The following OXNAD1 variants were observed in gnomAD, a reference collection of about 807,000 sequenced individuals.
The protein encoded by OXNAD1 is oxidoreductase NAD-binding domain-containing protein 1.
In OXNAD1, 34 loss-of-function variants were observed where a neutral mutation model predicts 32.9. The ratio of observed to expected loss-of-function variants is 1.03; its 90% CI spans 0.79 to 1.38. The LOEUF is 1.38. OXNAD1 is among the 40% of genes most tolerant of loss of function. The pLI, the probability that OXNAD1 is intolerant of heterozygous loss-of-function variation, is 0.00. For missense variants in OXNAD1, 407 were observed against 379.4 expected (o/e 1.07, Z -0.60); for synonymous variants, 134 against 135.2 (o/e 0.99, Z 0.06).
rs1038612298 is a variant in OXNAD1 at position 16,336,241 on chromosome 3, A to C, written c.*31-871A>C. 6.6e-6 allele frequency among the ~76,000 whole-genome samples: 1 copy of C among 152,222 alleles called. No homozygotes were observed. Among genetic ancestry groups the C allele is most frequent in the Non-Finnish European group, 1.5e-5 (1 of 68,030 alleles). On this transcript the variant is annotated intron_variant, in intron 9 of 9. Coordinates refer to the OXNAD1 transcript ENST00000435829. This position sits in a 1 kb window ranked among gnomAD's most constrained non-coding sequence, Gnocchi z 6.0. ...AGGGCTATGCCTGGTATCACTGTTC[A>C]TTCATGAATCTCACATTCAGTCAGC...
Position 16,337,293 on chromosome 3 carries a change from A to C in OXNAD1, c.*212A>C, listed in dbSNP as rs757379375. ...TTTCCTAAAAGTTGAAGGAAAAATC[A>C]CCCAGCTGACCTGTTTGGGTTATGA... On this transcript the variant is annotated 3_prime_UTR_variant, in exon 10 of 10. Transcript: ENST00000435829. The surrounding 1 kb of genome is among the most constrained non-coding windows in gnomAD (Gnocchi z 5.0). 1 of 152,214 alleles carries C rather than the reference A, an allele frequency of 6.6e-6. No individual in the cohort carries two copies. 9.4% of individuals were successfully genotyped at this position (152,214 alleles called of 1,614,324 possible).
chr3:16,274,114 C>T (rs1051264375), intron 4 of OXNAD1, among the ~76,000 whole-genome samples: 7 of 150,930 alleles, frequency 4.6e-5, no homozygotes, highest in Non-Finnish European at 5.9e-5. Context: ...CGCTCACACT[C>T]CCTTTTGTTG....
intron 1 of OXNAD1, among the ~76,000 whole-genome samples, chr3:16,266,466 G>A (rs934101129): frequency 6.6e-6 from 1 of 152,012 alleles, no homozygotes; most frequent in African/African-American, 2.4e-5. Flanking sequence ...TTAGCCAGGT[G>A]TGGTGGTGTG....
At chr3:16,275,243 T>C (rs1008316915) in intron 4 of OXNAD1, 2 of 157,518 alleles carry the variant, frequency 1.3e-5, no homozygotes, top group Non-Finnish European at 2.9e-5. Context: ...CTGCCAAAAA[T>C]GTTCTTTAGT....
At chr3:16,337,493 C>G (rs1038700573), downstream of OXNAD1, 2 of 152,110 alleles carry the variant, frequency 1.3e-5, no homozygotes, top group African/African-American at 4.8e-5. This position sits in a 1 kb window ranked among gnomAD's most constrained non-coding sequence, Gnocchi z 5.0. Flanking sequence ...CCTGTAATCT[C>G]TGCACTTTGG....
Position 16,287,204 on chromosome 3 carries a change from A to G in OXNAD1, c.290+756A>G, listed in dbSNP as rs749747326. Among the ~76,000 whole-genome samples, 6 of 152,216 alleles carry G rather than the reference A, an allele frequency of 3.9e-5. No individual in the cohort carries two copies. The highest frequency in any genetic ancestry group is 5.9e-5 in the Non-Finnish European group (4 of 68,040). On this transcript the variant is annotated intron_variant, in intron 5 of 8. Coordinates refer to ENST00000285083, the MANE Select transcript of OXNAD1 (RefSeq NM_138381.5). The surrounding 1 kb of genome is among the most constrained non-coding windows in gnomAD (Gnocchi z 4.8). ...GGGTGTGTGTGTCCTTTATTTTAAT[A>G]AAGCATTCATTTCTAAATGGATTTC...
rs1198063165 is a variant in OXNAD1, at chr3:16,301,793, CAA to C, written c.603_604del (p.Arg202LysfsTer4). On this transcript the variant is annotated frameshift_variant, in exon 7 of 9. Transcript: ENST00000285083. LOFTEE classifies it high-confidence loss of function. The surrounding 1 kb of genome is among the most constrained non-coding windows in gnomAD (Gnocchi z 4.1). ...CAGATCTCCTCAGAGAGCAGGCAAA[CAA>C]AAGAAATGGATATGAGATAGGAACA... ...AADLLREQAN[K>X]RNGYEIGTIK... The C allele has an allele frequency of 3.1e-6, 5 of 1,613,880 alleles. No homozygotes were observed. Among genetic ancestry groups the C allele is most frequent in the Non-Finnish European group, 4.2e-6 (5 of 1,179,968 alleles).
At position 16,302,689 on chromosome 3, in the gene OXNAD1, G is replaced by A. The variant is rs772740883; in HGVS notation, c.725G>A (p.Ser242Asn). ...GAATTTCCTGAGAAGATTGCATGCA[G>A]TTTGCATGTTACAAAACAGACTACA... Reference protein sequence around the residue: ...VNEFPEKIACSLHVTKQTTQI... With the variant: ...VNEFPEKIACNLHVTKQTTQI... The change falls in exon 8 of 9, where the codon AGT becomes AAT. Residue 242 changes from serine to asparagine, a missense_variant. Ser to Asn is a conservative substitution (Grantham distance 46). Transcript: ENST00000285083. This position sits in a 1 kb window ranked among gnomAD's most constrained non-coding sequence, Gnocchi z 4.2. 4 of 1,613,618 alleles carry A rather than the reference G, an allele frequency of 2.5e-6. No individual in the cohort carries two copies. The highest frequency in any genetic ancestry group is 2.2e-5 in the East Asian group (1 of 44,790).
At position 16,312,648 on chromosome 3, in the gene OXNAD1, A is replaced by G. The variant is rs1275865290; in HGVS notation, c.*30+9056A>G. 2.0e-5 allele frequency among the ~76,000 whole-genome samples: 3 copies of G among 152,188 alleles called. No homozygotes were observed. The highest frequency in any genetic ancestry group is 7.2e-5 in the African/African-American group (3 of 41,452). On this transcript the variant is annotated intron_variant, in intron 9 of 9. Coordinates refer to the OXNAD1 transcript ENST00000435829. The surrounding 1 kb of genome is among the most constrained non-coding windows in gnomAD (Gnocchi z 4.7). ...CGAGTCGTGAGTTTGGGGTCAACCT[A>G]TTCCTACTAATAAGCACTGTCTACA... is the stretch of plus-strand genomic sequence containing the variant.
At position 16,320,356 on chromosome 3, in the gene OXNAD1, C is replaced by T. The variant is rs75169646; in HGVS notation, c.*31-16756C>T. Among the ~76,000 whole-genome samples, 7 of 152,334 alleles carry T rather than the reference C, an allele frequency of 4.6e-5. No homozygotes were observed. In the East Asian group the frequency reaches 9.6e-4, roughly 21 times the overall value. Reference sequence around the variant, plus strand: ...AAGAAGACTAAATATGCCACATCCTCGGTGTGCCAATCTTGCAGTTTCTTT... The same window carrying T: ...AAGAAGACTAAATATGCCACATCCTTGGTGTGCCAATCTTGCAGTTTCTTT... On this transcript the variant is annotated intron_variant, in intron 9 of 9. Coordinates refer to the OXNAD1 transcript ENST00000435829. The surrounding 1 kb of genome is among the most constrained non-coding windows in gnomAD (Gnocchi z 4.5).
chr3:16,290,776 T>C lies in OXNAD1; in HGVS notation c.291-4080T>C, dbSNP rs151278888. On this transcript the variant is annotated intron_variant, in intron 5 of 8. Transcript: ENST00000285083. This position sits in a 1 kb window ranked among gnomAD's most constrained non-coding sequence, Gnocchi z 4.2. The stretch of plus-strand genomic sequence containing the variant: ...TCCAGAACTGGTTTTTAAACACTTA[T>C]AATAAATGACTGGAAATGTAAGGCC... Among the ~76,000 whole-genome samples, 4,718 of 152,336 alleles carry C rather than the reference T, an allele frequency of 0.031. 105 individuals are homozygous for C. Among genetic ancestry groups the C allele is most frequent in the Middle Eastern group, 0.082 (24 of 294 alleles).
chr3:16,295,237 T>G (rs2066701945), intron 6 of OXNAD1, among the ~76,000 whole-genome samples: 1 of 152,220 alleles, frequency 6.6e-6, no homozygotes, highest in African/African-American at 2.4e-5. Flanking sequence ...TGCTTTAGAA[T>G]TAAAATATTT....
chr3:16,286,471 A>G, intron 5 of OXNAD1, 23 bp downstream of exon 5: 2 of 1,578,412 alleles, frequency 1.3e-6, no homozygotes, highest in Non-Finnish European at 1.7e-6. Flanking sequence ...TCTGTGTTCC[A>G]TGTATGTATG....
At chr3:16,331,269 C>T (rs1448259365) in intron 9 of OXNAD1, among the ~76,000 whole-genome samples, 2 of 152,212 alleles carry the variant, frequency 1.3e-5, no homozygotes, top group Non-Finnish European at 2.9e-5. Flanking sequence ...GCAGGGTGTG[C>T]TTATACTACT....
intron 9 of OXNAD1, among the ~76,000 whole-genome samples, chr3:16,330,864 T>C (rs898093029): frequency 6.6e-6 from 1 of 152,242 alleles, no homozygotes; most frequent in Non-Finnish European, 1.5e-5. Context: ...TTAAAAGATC[T>C]TCTATGCAGA....
chr3:16,287,637 C>T lies in OXNAD1; in HGVS notation c.290+1189C>T, dbSNP rs528916575. 3.3e-5 allele frequency among the ~76,000 whole-genome samples: 5 copies of T among 152,278 alleles called. No homozygotes were observed. The East Asian group carries it at 7.7e-4, about 23-fold the overall frequency. On this transcript the variant is annotated intron_variant, in intron 5 of 8. Coordinates refer to ENST00000285083, the MANE Select transcript of OXNAD1 (RefSeq NM_138381.5). This position sits in a 1 kb window ranked among gnomAD's most constrained non-coding sequence, Gnocchi z 4.8. ...TGTGTCCTGTGCAAAGCACTGTCTCCGTGCCTTCAACTCTGAATCCTGCCA... is the reference window on the plus strand; with the variant it reads ...TGTGTCCTGTGCAAAGCACTGTCTCTGTGCCTTCAACTCTGAATCCTGCCA...
At chr3:16,324,861 T>C (rs576950703) in intron 9 of OXNAD1, among the ~76,000 whole-genome samples, 1 of 152,272 alleles carries the variant, frequency 6.6e-6, no homozygotes, top group South Asian at 2.1e-4. Context: ...TGCTGGATCA[T>C]GTGCTAAGTC....
chr3:16,283,658 G>A (rs1171716792), intron 4 of OXNAD1, among the ~76,000 whole-genome samples: 2 of 152,162 alleles, frequency 1.3e-5, no homozygotes, highest in African/African-American at 4.8e-5. Flanking sequence ...GCAGAAGGTG[G>A]GAGGAGAGTA....
In OXNAD1 at chr3:16,271,465, A is replaced by G. The variant is rs1041644578; in HGVS notation, c.120-194A>G. Among the ~76,000 whole-genome samples, 39 of 152,256 alleles carry G rather than the reference A, an allele frequency of 2.6e-4. No homozygotes were observed. The highest frequency in any genetic ancestry group is 8.7e-4 in the African/African-American group (36 of 41,526). On this transcript the variant is annotated intron_variant, in intron 3 of 8. Transcript: ENST00000285083. The surrounding 1 kb of genome is among the most constrained non-coding windows in gnomAD (Gnocchi z 4.6). ...ATGATCTGCCTGCCTCGGCCTCCCA[A>G]AGTGCTGAGATTACAGGCATGAGCC...
Sources: allele counts gnomAD v4.1 joint callset (sites outside exome capture counted in the v4.1 genomes callset), GRCh38; gene constraint gnomAD v4.1.1; non-coding constraint Gnocchi (gnomAD v3.1); transcripts MANE v1.5; gene names NCBI Gene and HGNC (gene_info 2026-07-23, HGNC 2026-07-21).